The following SDK1 variants were observed in gnomAD, a reference collection of about 807,000 sequenced individuals.
SDK1 encodes sidekick cell adhesion molecule 1.
Under a neutral mutation model 245.5 loss-of-function variants are expected in SDK1, and 157 were observed. The observed-to-expected ratio is 0.64, with a 90% CI of 0.56 to 0.73. SDK1 has a LOEUF of 0.73. Among genes scored for constraint, SDK1 ranks in the 30% least tolerant of loss-of-function variants. SDK1 has a pLI of 0.00. For missense variants in SDK1, 3,583 were observed against 3,002.3 expected, an observed-to-expected ratio of 1.19 and a Z score of -4.52; for synonymous variants, 1,647 against 1,278.5, an observed-to-expected ratio of 1.29 and a Z score of -6.15.
chr7:3,756,041 C>T (rs1249437785), intron 4 of SDK1, among the ~76,000 whole-genome samples: 1 of 150,366 alleles, frequency 6.7e-6, no homozygotes, highest in Non-Finnish European at 1.5e-5. Context: ...GCACATGTGA[C>T]ATATGTATAT....
intron 13 of SDK1, among the ~76,000 whole-genome samples, chr7:3,979,357 G>T (rs1783216997): frequency 6.6e-6 from 1 of 152,130 alleles, no homozygotes; most frequent in South Asian, 2.1e-4. Flanking sequence ...ACAGCACCCT[G>T]CCTCCTGGGG....
chr7:3,379,549 C>G (rs1484838526), intron 1 of SDK1, among the ~76,000 whole-genome samples: 2 of 152,120 alleles, frequency 1.3e-5, no homozygotes, highest in Admixed American at 1.3e-4. Context: ...CAGCATCACT[C>G]CTCAAGGACA....
chr7:3,742,109 A>T (rs767808766), intron 4 of SDK1, among the ~76,000 whole-genome samples: 1 of 150,722 alleles, frequency 6.6e-6, no homozygotes, highest in Admixed American at 6.6e-5. Flanking sequence ...GTTTTCATAC[A>T]TCTGGTTGTA....
intron 5 of SDK1, among the ~76,000 whole-genome samples, chr7:3,881,270 GC>G (rs1781202551): frequency 6.6e-6 from 1 of 151,884 alleles, no homozygotes; most frequent in Admixed American, 6.6e-5. Flanking sequence ...CATGCAACAG[GC>G]CCCCCAGTGT....
At position 3,881,246 on chromosome 7, in the gene SDK1, C is replaced by G. The variant is rs188737639; in HGVS notation, c.847+59663C>G. On this transcript the variant is annotated intron_variant, in intron 5 of 44. Coordinates refer to ENST00000404826, the MANE Select transcript of SDK1 (RefSeq NM_152744.4). ...TGCATTAGTTATTCTTCCTGATGCT[C>G]TCCCTCCCCTACCCATGCAACAGGC... 3.7e-4 allele frequency among the ~76,000 whole-genome samples: 57 copies of G among 152,266 alleles called. 1 individual carries two copies. The highest frequency in any genetic ancestry group is 1.3e-3 in the African/African-American group (53 of 41,558).
At position 4,267,512 on chromosome 7, in the gene SDK1, A is replaced by G. The variant is rs1038375618; in HGVS notation, c.*2128A>G. 1.0e-6 allele frequency: 1 copy of G among 985,290 alleles called. No homozygotes were observed. 61.0% of individuals were successfully genotyped at this position (985,290 alleles called of 1,614,324 possible). Reference sequence around the variant, plus strand: ...CTTCCCCTCGGCCCCGGAGAGGGCGAAGTGGGCGGGAAGCCAGGATGTGAG... The same window carrying G: ...CTTCCCCTCGGCCCCGGAGAGGGCGGAGTGGGCGGGAAGCCAGGATGTGAG... On this transcript the variant is annotated 3_prime_UTR_variant, in exon 45 of 45. Coordinates refer to ENST00000404826, the MANE Select transcript of SDK1 (RefSeq NM_152744.4).
At chr7:3,975,936 T>C (rs940714810) in intron 13 of SDK1, among the ~76,000 whole-genome samples, 1 of 140,248 alleles carries the variant, frequency 7.1e-6, no homozygotes, top group Non-Finnish European at 1.6e-5. Context: ...TCACTGAGGG[T>C]CCCGGGGCTG....
At chr7:3,718,627 A>G (rs982414994) in intron 4 of SDK1, among the ~76,000 whole-genome samples, 1 of 152,110 alleles carries the variant, frequency 6.6e-6, no homozygotes, top group African/African-American at 2.4e-5. Flanking sequence ...TCAGCAATCT[A>G]GTTATAGGGA....
Position 4,126,962 on chromosome 7 carries a change from T to C in SDK1, c.3824-419T>C, listed in dbSNP as rs538755641. Among the ~76,000 whole-genome samples, 21 of 152,288 alleles carry C rather than the reference T, an allele frequency of 1.4e-4. No individual in the cohort carries two copies. The South Asian group carries it at 4.4e-3, about 32-fold the overall frequency. ...GTCAACCTACCCTCCCTTCCCCTTC[T>C]TTTGTGTAAATCCTCACGCCCCCTT... On this transcript the variant is annotated intron_variant, in intron 25 of 44. Coordinates refer to ENST00000404826, the MANE Select transcript of SDK1 (RefSeq NM_152744.4).
rs558085362 is a variant in SDK1 at position 3,397,979 on chromosome 7, A to AT, written c.298+96101dup. The stretch of plus-strand genomic sequence containing the variant: ...TTCTTGCCTTTCAGCATGCCTTGTA[A>AT]TTTTTTGTGGAAAGCCAGGCATGAT... On this transcript the variant is annotated intron_variant, in intron 1 of 44. Coordinates refer to ENST00000404826, the MANE Select transcript of SDK1 (RefSeq NM_152744.4). Among the ~76,000 whole-genome samples, 631 of 152,030 alleles carry AT rather than the reference A, an allele frequency of 4.2e-3. 7 individuals are homozygous for AT. The highest frequency in any genetic ancestry group is 0.018 in the South Asian group (88 of 4,818).
At chr7:3,651,749 A>T (rs536688039) in intron 4 of SDK1, among the ~76,000 whole-genome samples, 1 of 152,184 alleles carries the variant, frequency 6.6e-6, no homozygotes, top group African/African-American at 2.4e-5. Flanking sequence ...AACATCAAAG[A>T]CAAAGAAGAA....
At chr7:3,895,403 T>G (rs1306601130) in intron 5 of SDK1, among the ~76,000 whole-genome samples, 1 of 152,186 alleles carries the variant, frequency 6.6e-6, no homozygotes, top group East Asian at 1.9e-4. Flanking sequence ...CCAATCAACA[T>G]GTAGTGGACG....
chr7:3,459,292 G>A (rs1287829219), intron 1 of SDK1, among the ~76,000 whole-genome samples: 1 of 152,114 alleles, frequency 6.6e-6, no homozygotes, highest in East Asian at 1.9e-4. Flanking sequence ...TATGCTTTCA[G>A]TTGTCATACT....
intron 13 of SDK1, among the ~76,000 whole-genome samples, chr7:3,983,351 A>G (rs929182991): frequency 5.3e-5 from 8 of 152,180 alleles, no homozygotes; most frequent in Non-Finnish European, 8.8e-5. Flanking sequence ...TCTCGTTTGA[A>G]GAAATTGCCA....
At chr7:3,784,827 C>G (rs1475649323) in intron 4 of SDK1, among the ~76,000 whole-genome samples, 1 of 152,170 alleles carries the variant, frequency 6.6e-6, no homozygotes, top group Non-Finnish European at 1.5e-5. Flanking sequence ...ATAGAACTGC[C>G]ATATGATCTG....
intron 14 of SDK1, among the ~76,000 whole-genome samples, chr7:3,993,245 A>G (rs993789957): frequency 2.6e-5 from 4 of 152,210 alleles, no homozygotes; most frequent in Non-Finnish European, 4.4e-5. Flanking sequence ...CTAGTTCTCA[A>G]ACTGAGCCTC....
At chr7:3,405,492 C>T (rs1779026829) in intron 1 of SDK1, among the ~76,000 whole-genome samples, 2 of 152,216 alleles carry the variant, frequency 1.3e-5, no homozygotes, top group South Asian at 4.1e-4. Context: ...TTACAGATCT[C>T]TGTGCTCTCT....
At chr7:4,142,605 C>T (rs926574237) in intron 28 of SDK1, among the ~76,000 whole-genome samples, 1 of 152,072 alleles carries the variant, frequency 6.6e-6, no homozygotes, top group South Asian at 2.1e-4. Context: ...GAGATTACAG[C>T]CATGAGCCAC....
At chr7:3,519,407 G>C (rs1782858025) in intron 1 of SDK1, among the ~76,000 whole-genome samples, 1 of 152,048 alleles carries the variant, frequency 6.6e-6, no homozygotes, top group South Asian at 2.1e-4. Flanking sequence ...TGATTATTAT[G>C]TGTCAAATAA....
Sources: gnomAD v4.1 joint callset for allele counts (sites outside exome capture counted in the v4.1 genomes callset) on GRCh38, gnomAD v4.1.1 for gene constraint, MANE v1.5 for transcripts, NCBI Gene and HGNC (gene_info 2026-07-23, HGNC 2026-07-21) for gene names.